ATP10D: variants seen among roughly 807,000 people sequenced by gnomAD.
ATP10D encodes the protein ATPase phospholipid transporting 10D (putative).
ATP10D carries 89 observed loss-of-function variants against 144.8 expected under a neutral mutation model. The observed-to-expected ratio is 0.61, with a 90% CI of 0.52 to 0.73. ATP10D has a LOEUF of 0.73. Among genes scored for constraint, ATP10D ranks in the 30% least tolerant of loss-of-function variants. The pLI, the probability that ATP10D is intolerant of heterozygous loss-of-function variation, is 0.00. For synonymous variants in ATP10D, 571 were observed against 615.1 expected, an observed-to-expected ratio of 0.93 and a Z score of 1.06; for missense variants, 1,603 against 1,714.8, an observed-to-expected ratio of 0.93 and a Z score of 1.15.
intron 1 of ATP10D, among the ~76,000 whole-genome samples, chr4:47,504,879 C>T (rs1715937142): frequency 6.6e-6 from 1 of 152,164 alleles, no homozygotes; most frequent in Admixed American, 6.5e-5. Context: ...TTCTCTGTGC[C>T]TTTTATTGAC....
At chr4:47,586,728 G>T (rs1003072119) in intron 21 of ATP10D, among the ~76,000 whole-genome samples, 2 of 152,124 alleles carry the variant, frequency 1.3e-5, no homozygotes, top group East Asian at 1.9e-4. Context: ...AAAAAATTAA[G>T]GAGAAAATCC....
chr4:47,492,498 A>T (rs1715129925), intron 1 of ATP10D, among the ~76,000 whole-genome samples: 1 of 152,124 alleles, frequency 6.6e-6, no homozygotes, highest in Non-Finnish European at 1.5e-5. Context: ...TGTAGTTTTG[A>T]TCTGCCTCTT....
At chr4:47,513,180 C>T (rs919859322) in intron 2 of ATP10D, among the ~76,000 whole-genome samples, 7 of 152,144 alleles carry the variant, frequency 4.6e-5, no homozygotes, top group South Asian at 2.1e-4. Context: ...CATGAAACCA[C>T]GCGCATTTTA....
chr4:47,573,054 A>C, intron 18 of ATP10D, 57 bp downstream of exon 18: 1 of 1,584,804 alleles, frequency 6.3e-7, no homozygotes, highest in Non-Finnish European at 8.7e-7. Flanking sequence ...AGACTGTTGC[A>C]TCAGGGATGA....
chr4:47,515,813 G>A (rs777488916), intron 3 of ATP10D, 143 bp downstream of exon 3: 13 of 640,846 alleles, frequency 2.0e-5, no homozygotes, highest in East Asian at 5.6e-5. Context: ...CTAATATTTC[G>A]TAAAGTCCTA....
chr4:47,544,577 C>T (rs1042306533), intron 9 of ATP10D, among the ~76,000 whole-genome samples: 11 of 152,042 alleles, frequency 7.2e-5, no homozygotes, highest in African/African-American at 2.7e-4. Flanking sequence ...TTAAAGTCAC[C>T]GAATCCAAAT....
At chr4:47,565,061 C>T (rs973016457) in intron 15 of ATP10D, among the ~76,000 whole-genome samples, 6 of 152,222 alleles carry the variant, frequency 3.9e-5, no homozygotes, top group Non-Finnish European at 7.3e-5. Flanking sequence ...CGGGTTCACG[C>T]CATTCTCCTG....
intron 19 of ATP10D, among the ~76,000 whole-genome samples, chr4:47,579,397 G>A (rs1577705634): frequency 1.3e-5 from 2 of 152,180 alleles, no homozygotes; most frequent in Admixed American, 6.5e-5. Flanking sequence ...GAGAACTAGA[G>A]CATTTATTAA....
rs1184658675 is a variant in ATP10D, at chr4:47,572,441, T to C, written c.3240+211T>C. ...GGGTAATTTTAGCTGTATTATTCAC[T>C]TGTTAAAAATAGAGCTTATCTAAAA... is the stretch of plus-strand genomic sequence containing the variant. On this transcript the variant is annotated intron_variant, in intron 17 of 22. Coordinates refer to ENST00000273859, the MANE Select transcript of ATP10D (RefSeq NM_020453.4). Among the ~76,000 whole-genome samples, 4 of 152,140 alleles carry C rather than the reference T, an allele frequency of 2.6e-5. No homozygotes were observed. In the East Asian group the frequency reaches 7.7e-4, roughly 29 times the overall value.
intron 1 of ATP10D, among the ~76,000 whole-genome samples, chr4:47,498,976 G>T (rs1042841638): frequency 1.3e-5 from 2 of 152,134 alleles, no homozygotes; most frequent in Non-Finnish European, 2.9e-5. Context: ...GTGTTCTTCT[G>T]CCAGTTCAAA....
At position 47,495,881 on chromosome 4, in the gene ATP10D, G is replaced by A. The variant is rs561050439; in HGVS notation, c.-38+10362G>A. 2.6e-5 allele frequency among the ~76,000 whole-genome samples: 4 copies of A among 152,186 alleles called. No individual in the cohort carries two copies. The East Asian group carries it at 7.7e-4, about 29-fold the overall frequency. ...GCCTCCCCAGCAGCTGGGATTACCG[G>A]CATGCGCCACCGCGCCTGGCTAATT... On this transcript the variant is annotated intron_variant, in intron 1 of 22. Coordinates refer to ENST00000273859, the MANE Select transcript of ATP10D (RefSeq NM_020453.4).
chr4:47,523,234 A>G lies in ATP10D; in HGVS notation c.690+18A>G, dbSNP rs777437355. 1 of 1,599,286 alleles carries G rather than the reference A, an allele frequency of 6.3e-7. No individual in the cohort carries two copies. The highest frequency in any genetic ancestry group is 8.6e-7 in the Non-Finnish European group (1 of 1,167,084). On this transcript the variant is annotated intron_variant, in intron 4 of 22. Coordinates refer to ENST00000273859, the MANE Select transcript of ATP10D (RefSeq NM_020453.4). ...CAGAACAGGTAAGTCATATGTTCTCAGTTAGTGGCTTATTAACATTTTTTT... is the reference window on the plus strand; with the variant it reads ...CAGAACAGGTAAGTCATATGTTCTCGGTTAGTGGCTTATTAACATTTTTTT...
At chr4:47,523,900 T>A (rs1017270398) in intron 4 of ATP10D, among the ~76,000 whole-genome samples, 3 of 152,196 alleles carry the variant, frequency 2.0e-5, no homozygotes, top group Admixed American at 6.5e-5. Context: ...GCATTTGAGA[T>A]GAAGTATTTT....
intron 5 of ATP10D, among the ~76,000 whole-genome samples, chr4:47,528,954 T>C (rs916996165): frequency 1.3e-5 from 2 of 152,170 alleles, no homozygotes; most frequent in African/African-American, 4.8e-5. Flanking sequence ...TTGTATGTCT[T>C]CGTTTGAGAA....
At chr4:47,555,025 C>A in intron 11 of ATP10D, 111 bp downstream of exon 11, 1 of 907,174 alleles carries the variant, frequency 1.1e-6, no homozygotes, top group Non-Finnish European at 1.7e-6. Context: ...ATAATAGTAG[C>A]TGTATAACAC....
chr4:47,551,443 G>T (rs1718728651), intron 10 of ATP10D, among the ~76,000 whole-genome samples: 1 of 152,218 alleles, frequency 6.6e-6, no homozygotes, highest in Non-Finnish European at 1.5e-5. Flanking sequence ...ATTTTAAAAA[G>T]ATATCTACTT....
At position 47,592,801 on chromosome 4, in the gene ATP10D, A is replaced by C. The variant is rs922836220; in HGVS notation, c.*1420A>C. On this transcript the variant is annotated 3_prime_UTR_variant, in exon 23 of 23. Coordinates refer to ENST00000273859, the MANE Select transcript of ATP10D (RefSeq NM_020453.4). ...ACATAAGCTGATTTCGAGAACTTTC[A>C]AAATCTCACATAGCTAATGGAAGTT... 8 of 152,562 alleles carry C rather than the reference A, an allele frequency of 5.2e-5. No homozygotes were observed. Among genetic ancestry groups the C allele is most frequent in the African/African-American group, 1.4e-4 (6 of 41,442 alleles). 9.5% of individuals were successfully genotyped at this position (152,562 alleles called of 1,614,324 possible). A position where few individuals can be genotyped will look rare whatever the true frequency, so the allele number is the denominator to read the frequency against.
At chr4:47,486,259 G>C (rs77663826) in intron 1 of ATP10D, among the ~76,000 whole-genome samples, 1 of 152,298 alleles carries the variant, frequency 6.6e-6, no homozygotes, top group South Asian at 2.1e-4. Flanking sequence ...TTTGGTGTCT[G>C]GGACCCTGTG....
At position 47,587,194 on chromosome 4, in the gene ATP10D, C is replaced by T; in HGVS notation, c.3929C>T (p.Ala1310Val). The T allele has an allele frequency of 6.2e-7, 1 of 1,612,430 alleles. No individual in the cohort carries two copies. The highest frequency in any genetic ancestry group is 1.1e-5 in the South Asian group (1 of 90,752). ...GTTTGTATCCTCACGACGTCCATTG[C>T]TCTTCTGCCCAGGTATGGTATTTAT... is the stretch of plus-strand genomic sequence containing the variant. ...YLVCILTTSI[A>V]LLPRFVYRVL... Residue 1310 changes from alanine to valine, a missense_variant, in exon 22 of 23, where the codon GCT (alanine) becomes GTT (valine). By Grantham distance (64) the Ala-to-Val change is moderately conservative. Coordinates refer to ENST00000273859, the MANE Select transcript of ATP10D (RefSeq NM_020453.4).
Sources: gnomAD v4.1 joint callset for allele counts (sites outside exome capture counted in the v4.1 genomes callset) on GRCh38, gnomAD v4.1.1 for gene constraint, MANE v1.5 for transcripts, NCBI Gene and HGNC (gene_info 2026-07-23, HGNC 2026-07-21) for gene names.